TNIK: variants seen among roughly 807,000 people sequenced by gnomAD.
The protein encoded by TNIK is TRAF2 and NCK-interacting protein kinase.
Under a neutral mutation model 191.3 loss-of-function variants are expected in TNIK, and 49 were observed. The ratio of observed to expected loss-of-function variants is 0.26; its 90% CI spans 0.20 to 0.32. The LOEUF is 0.32. TNIK is among the 10% of genes least tolerant of loss of function. The pLI, the probability that TNIK is intolerant of heterozygous loss-of-function variation, is 1.00. For missense variants in TNIK, 1,155 were observed against 1,702.3 expected (o/e 0.68, Z 5.66); for synonymous variants, 594 against 600.9 (o/e 0.99, Z 0.17).
chr3:171,079,746 CGTGT>C (rs75631037), intron 27 of TNIK, 94 bp from the exon 28 acceptor site: 19 of 1,314,474 alleles, frequency 1.4e-5, no homozygotes, highest in African/African-American at 7.5e-5. Context: ...ATTTTATTTA[CGTGT>C]GTGTGTGTGT....
chr3:171,429,850 T>C (rs1334582655), intron 1 of TNIK, among the ~76,000 whole-genome samples: 1 of 151,912 alleles, frequency 6.6e-6, no homozygotes, highest in Non-Finnish European at 1.5e-5. Flanking sequence ...TAACCAAGAG[T>C]GGTTTGCAGC....
At chr3:171,083,202 C>G (rs1396224492) in intron 26 of TNIK, among the ~76,000 whole-genome samples, 2 of 152,178 alleles carry the variant, frequency 1.3e-5, no homozygotes, top group Non-Finnish European at 1.5e-5. Context: ...ATGTAACTCT[C>G]TAACTTCTCT....
At position 171,460,022 on chromosome 3, in the gene TNIK, A is replaced by G; in HGVS notation, c.42T>C (p.Asp14=). 6.2e-7 allele frequency: 1 copy of G among 1,609,080 alleles called. No homozygotes were observed. Among genetic ancestry groups the G allele is most frequent in the Non-Finnish European group, 8.5e-7 (1 of 1,177,858 alleles). Residue 14 remains aspartate (D), a synonymous_variant, in exon 1 of 33, where the codon GAT becomes GAC. Coordinates refer to ENST00000436636, the MANE Select transcript of TNIK (RefSeq NM_015028.4). The surrounding 1 kb of genome is among the most constrained non-coding windows in gnomAD (Gnocchi z 6.8). ...DSPARSLDEI[D]LSALRDPAGI... ...TCCTGCTCACCCTCAGAGCCGAGAG[A>G]TCTATTTCATCCAGGCTTCGAGCCG...
At chr3:171,400,136 T>C (rs934961389) in intron 1 of TNIK, among the ~76,000 whole-genome samples, 8 of 152,184 alleles carry the variant, frequency 5.3e-5, no homozygotes, top group African/African-American at 1.9e-4. Context: ...GTAGAAACCA[T>C]ACTCTGGGCC....
chr3:171,267,900 A>G (rs1748583419), intron 2 of TNIK, among the ~76,000 whole-genome samples: 1 of 152,216 alleles, frequency 6.6e-6, no homozygotes, highest in South Asian at 2.1e-4. Flanking sequence ...CGGATTCAAC[A>G]ATATTCAAGA....
At chr3:171,227,605 A>C (rs1743109671) in intron 3 of TNIK, among the ~76,000 whole-genome samples, 3 of 152,176 alleles carry the variant, frequency 2.0e-5, no homozygotes, top group Non-Finnish European at 4.4e-5. Context: ...GTAGGTATCA[A>C]ATTTAATTAG....
intron 23 of TNIK, among the ~76,000 whole-genome samples, chr3:171,092,373 T>C (rs1576783544): frequency 6.6e-6 from 1 of 152,298 alleles, no homozygotes; most frequent in South Asian, 2.1e-4. Flanking sequence ...TACTTGGAGG[T>C]ATTGACTCTG....
rs577615112 is a variant in TNIK at position 171,248,529 on chromosome 3, A to G, written c.124-20308T>C. Among the ~76,000 whole-genome samples the G allele has an allele frequency of 7.9e-5, 12 of 152,350 alleles. No homozygotes were observed. The South Asian group carries it at 2.1e-3, about 26-fold the overall frequency. ...CCCAAGGCTGGAGAGACAAGTTATT[A>G]AAGTTTCATGGGGACTGAGAGACTG... On this transcript the variant is annotated intron_variant, in intron 2 of 32. Transcript: ENST00000436636.
intron 2 of TNIK, among the ~76,000 whole-genome samples, chr3:171,290,404 T>C (rs1417119472): frequency 6.6e-6 from 1 of 152,142 alleles, no homozygotes; most frequent in Non-Finnish European, 1.5e-5. Flanking sequence ...CATCTGCAAA[T>C]AGGGAAATAA....
intron 2 of TNIK, among the ~76,000 whole-genome samples, chr3:171,312,455 G>A (rs976135694): frequency 7.2e-5 from 11 of 151,998 alleles, no homozygotes; most frequent in African/African-American, 1.9e-4. Context: ...ACTGCCCTCC[G>A]TTAGGTCTCA....
At chr3:171,323,486 T>G (rs1249499678) in intron 2 of TNIK, among the ~76,000 whole-genome samples, 1 of 152,162 alleles carries the variant, frequency 6.6e-6, no homozygotes, top group African/African-American at 2.4e-5. Flanking sequence ...CATTCATCTA[T>G]CTGGTGAGCA....
At chr3:171,447,693 T>C (rs1727675935) in intron 1 of TNIK, among the ~76,000 whole-genome samples, 2 of 152,248 alleles carry the variant, frequency 1.3e-5, no homozygotes. Flanking sequence ...TGGCAATATC[T>C]AGAGCCTTAG....
rs968567159 is a variant in TNIK, at chr3:171,258,084, C to T, written c.124-29863G>A. 4.6e-5 allele frequency among the ~76,000 whole-genome samples: 7 copies of T among 152,180 alleles called. No homozygotes were observed. In the East Asian group the frequency reaches 1.4e-3, roughly 29 times the overall value. On this transcript the variant is annotated intron_variant, in intron 2 of 32. Transcript: ENST00000436636. ...CACCACAGTGATGATGGATGCCCTG[C>T]GATCTCATGAAGAATAATGACAGCA...
At chr3:171,139,375 C>T (rs557985352) in intron 14 of TNIK, 95 bp downstream of exon 14, 84 of 972,152 alleles carry the variant, frequency 8.6e-5, no homozygotes, top group Admixed American at 2.9e-4. Context: ...CACACGCACG[C>T]GCGCACACAC....
At chr3:171,280,102 G>A (rs867538213) in intron 2 of TNIK, among the ~76,000 whole-genome samples, 10 of 152,082 alleles carry the variant, frequency 6.6e-5, no homozygotes, top group African/African-American at 1.9e-4. Flanking sequence ...TCTATGTCTC[G>A]CACGTTCCCT....
chr3:171,315,418 A>T (rs1164921281), intron 2 of TNIK, among the ~76,000 whole-genome samples: 1 of 152,100 alleles, frequency 6.6e-6, no homozygotes, highest in Non-Finnish European at 1.5e-5. Flanking sequence ...CTTTCATCCA[A>T]ATTCAATCAT....
At chr3:171,183,878 G>A (rs1326163182) in intron 7 of TNIK, among the ~76,000 whole-genome samples, 1 of 138,404 alleles carries the variant, frequency 7.2e-6, no homozygotes, top group African/African-American at 2.7e-5. Context: ...CCGAGATCGT[G>A]CCACTGCATT....
intron 23 of TNIK, among the ~76,000 whole-genome samples, chr3:171,089,934 C>T (rs1721849035): frequency 6.6e-6 from 1 of 152,160 alleles, no homozygotes. Context: ...AGCCCAGGTG[C>T]TCTGGGCTGC....
chr3:171,232,341 GA>G (rs538492715), intron 2 of TNIK, among the ~76,000 whole-genome samples: 260 of 133,438 alleles, frequency 1.9e-3, no homozygotes, highest in Non-Finnish European at 3.2e-3. Context: ...ATGTATGAAT[GA>G]AAAAAAAAAA....
Sources: gnomAD v4.1 joint callset for allele counts (sites outside exome capture counted in the v4.1 genomes callset) on GRCh38, gnomAD v4.1.1 for gene constraint, Gnocchi (gnomAD v3.1) non-coding constraint, MANE v1.5 for transcripts, NCBI Gene and HGNC (gene_info 2026-07-23, HGNC 2026-07-21) for gene names.